The following CDH2 variants were observed in gnomAD, a reference collection of about 807,000 sequenced individuals.
CDH2 encodes cadherin-2.
In CDH2, 17 loss-of-function variants were observed where a neutral mutation model predicts 92.0. That is an observed-to-expected ratio of 0.18 (90% confidence interval 0.13 to 0.28). The LOEUF (loss-of-function observed/expected upper bound fraction) is 0.28, where lower values mean the gene tolerates loss of function less well. Ranked by LOEUF, CDH2 falls within the 10% of genes least tolerant of loss-of-function variation. CDH2 has a pLI of 1.00. For missense variants in CDH2, 862 were observed against 1,133.1 expected (o/e 0.76, Z 3.44); for synonymous variants, 419 against 415.9 (o/e 1.01, Z -0.09).
rs146692390 is a variant in CDH2 at position 28,080,612 on chromosome 18, A to G, written c.173-66703T>C. Among the ~76,000 whole-genome samples, 137 of 152,326 alleles carry G rather than the reference A, an allele frequency of 9.0e-4. 2 individuals carry two copies. Among genetic ancestry groups the G allele is most frequent in the African/African-American group, 3.1e-3 (130 of 41,578 alleles). On this transcript the variant is annotated intron_variant, in intron 2 of 15. Transcript: ENST00000269141. The stretch of plus-strand genomic sequence containing the variant: ...ATAAATCTTAACAGAGTTTAAATTT[A>G]TTTTGTTTGTATAATGCTTACAGCT...
At chr18:27,975,034 C>T (rs1291654537) in intron 14 of CDH2, among the ~76,000 whole-genome samples, 2 of 151,896 alleles carry the variant, frequency 1.3e-5, no homozygotes, top group African/African-American at 2.4e-5. Context: ...AGGTGTCAGT[C>T]AGTCTTTAAA....
chr18:28,102,299 G>A (rs967641591), intron 2 of CDH2, among the ~76,000 whole-genome samples: 1 of 152,074 alleles, frequency 6.6e-6, no homozygotes, highest in African/African-American at 2.4e-5. Flanking sequence ...GGAATTGATT[G>A]ACTACAAACT....
intron 2 of CDH2, among the ~76,000 whole-genome samples, chr18:28,137,721 T>C (rs1377590568): frequency 6.6e-6 from 1 of 152,140 alleles, no homozygotes. Context: ...GGACACTCCT[T>C]AACAACTATA....
At position 28,017,467 on chromosome 18, in the gene CDH2, T is replaced by G. The variant is rs562824637; in HGVS notation, c.173-3558A>C. On this transcript the variant is annotated intron_variant, in intron 2 of 15. Coordinates refer to ENST00000269141, the MANE Select transcript of CDH2 (RefSeq NM_001792.5). ...TGGTATTGGTTGTAGTATCTCCCGT[T>G]TCGTTTCTAATTGAGCTTATTTGGA... 2.0e-3 allele frequency among the ~76,000 whole-genome samples: 307 copies of G among 152,210 alleles called. 3 individuals carry two copies. The highest frequency in any genetic ancestry group is 7.9e-4 in the Non-Finnish European group (54 of 68,000).
intron 2 of CDH2, among the ~76,000 whole-genome samples, chr18:28,035,810 T>G (rs1296397894): frequency 1.3e-5 from 2 of 152,222 alleles, no homozygotes; most frequent in Non-Finnish European, 2.9e-5. Context: ...TATGTCTCAT[T>G]ACAAGGCAGG....
Position 27,951,314 on chromosome 18 carries a change from T to A in CDH2, c.*839A>T. 6.6e-6 allele frequency: 1 copy of A among 152,496 alleles called. No individual in the cohort carries two copies. The highest frequency in any genetic ancestry group is 6.6e-5 in the Admixed American group (1 of 15,252). 9.4% of individuals were successfully genotyped at this position (152,496 alleles called of 1,614,324 possible). On this transcript the variant is annotated 3_prime_UTR_variant, in exon 16 of 16. Coordinates refer to ENST00000269141, the MANE Select transcript of CDH2 (RefSeq NM_001792.5). Reference sequence around the variant, plus strand: ...GCTCAACAATTGAATCAAATGTCACTGTTTTGTAAATACTTTATCCATAAC... The same window carrying A: ...GCTCAACAATTGAATCAAATGTCACAGTTTTGTAAATACTTTATCCATAAC...
At position 28,141,441 on chromosome 18, in the gene CDH2, T is replaced by TTGCTCAACACTGTGAATGTAC. The variant is rs1300123603; in HGVS notation, c.172+6211_172+6231dup. Among the ~76,000 whole-genome samples the TTGCTCAACACTGTGAATGTAC allele has an allele frequency of 2.6e-5, 4 of 152,124 alleles. No individual in the cohort carries two copies. In the East Asian group the frequency reaches 7.7e-4, roughly 29 times the overall value. ...ATTTTAGAACTAGATAGAGGTATGG[T>TTGCTCAACACTGTGAATGTAC]TGCTCAACACTGTGAATGTACTAAG... On this transcript the variant is annotated intron_variant, in intron 2 of 15. Transcript: ENST00000269141.
intron 4 of CDH2, among the ~76,000 whole-genome samples, 180 bp from the exon 5 acceptor site, chr18:28,010,052 A>C: frequency 6.6e-6 from 1 of 152,218 alleles, no homozygotes; most frequent in Admixed American, 6.5e-5. Context: ...AGGCTTCAAA[A>C]GAGATGTCAT....
chr18:28,064,456 G>C (rs28365296), intron 2 of CDH2, among the ~76,000 whole-genome samples: 1 of 151,770 alleles, frequency 6.6e-6, no homozygotes, highest in East Asian at 1.9e-4. Flanking sequence ...CTGGCTTCCT[G>C]AACTTCATTT....
At chr18:28,133,013 C>T (rs1285980931) in intron 2 of CDH2, among the ~76,000 whole-genome samples, 8 of 152,186 alleles carry the variant, frequency 5.3e-5, no homozygotes, top group Non-Finnish European at 4.4e-5. Context: ...CACACACATT[C>T]TCCTTATCTA....
At chr18:27,946,093 G>A (rs1444718332), downstream of CDH2, among the ~76,000 whole-genome samples, 1 of 152,106 alleles carries the variant, frequency 6.6e-6, no homozygotes, top group African/African-American at 2.4e-5. Context: ...TACAATCCAA[G>A]TTTTAAGCAC....
At chr18:27,992,531 C>G in intron 9 of CDH2, 124 bp downstream of exon 9, 1 of 713,270 alleles carries the variant, frequency 1.4e-6, no homozygotes, top group Non-Finnish European at 2.3e-6. Flanking sequence ...TATATCAGAC[C>G]CACATCTGGA....
intron 2 of CDH2, among the ~76,000 whole-genome samples, chr18:28,077,802 A>T (rs760087430): frequency 6.8e-6 from 1 of 146,582 alleles, no homozygotes; most frequent in Non-Finnish European, 1.5e-5. Flanking sequence ...GAGGCAGGAG[A>T]ATTGCTTGAA....
At chr18:27,955,533 C>T (rs561670298) in intron 15 of CDH2, among the ~76,000 whole-genome samples, 3 of 151,600 alleles carry the variant, frequency 2.0e-5, no homozygotes, top group South Asian at 2.1e-4. Flanking sequence ...AGGGAATAAA[C>T]ACAAGAAGGG....
intron 2 of CDH2, among the ~76,000 whole-genome samples, chr18:28,073,788 C>T (rs191163718): frequency 6.6e-6 from 1 of 152,268 alleles, no homozygotes; most frequent in East Asian, 1.9e-4. Context: ...TGATATTCTA[C>T]TAGCCATGTG....
chr18:28,041,051 T>G (rs1267130350), intron 2 of CDH2, among the ~76,000 whole-genome samples: 2 of 152,180 alleles, frequency 1.3e-5, no homozygotes, highest in Non-Finnish European at 2.9e-5. Flanking sequence ...CCTGGTATGG[T>G]TCTTCAAAAA....
intron 1 of CDH2, among the ~76,000 whole-genome samples, chr18:28,148,606 C>A (rs2016074221): frequency 6.6e-6 from 1 of 152,152 alleles, no homozygotes; most frequent in Non-Finnish European, 1.5e-5. Context: ...TTGTAGGAAA[C>A]TCTACCATGT....
intron 1 of CDH2, among the ~76,000 whole-genome samples, chr18:28,165,313 G>C (rs2144360192): frequency 6.6e-6 from 1 of 152,210 alleles, no homozygotes; most frequent in South Asian, 2.1e-4. Flanking sequence ...CTCTGGAATA[G>C]CTGGGACTAT....
rs17494213 is a variant in CDH2 at position 28,063,474 on chromosome 18, T to C, written c.173-49565A>G. On this transcript the variant is annotated intron_variant, in intron 2 of 15. Transcript: ENST00000269141. Reference sequence around the variant, plus strand: ...CTTTCTCAGCTGGAGCAAAGAAAAATAGGGAATTCTGGCAGGTTATTTATA... The same window carrying C: ...CTTTCTCAGCTGGAGCAAAGAAAAACAGGGAATTCTGGCAGGTTATTTATA... Among the ~76,000 whole-genome samples, 35 of 152,204 alleles carry C rather than the reference T, an allele frequency of 2.3e-4. 1 individual carries two copies. The highest frequency in any genetic ancestry group is 7.7e-4 in the African/African-American group (32 of 41,540).
Sources: allele counts gnomAD v4.1 joint callset (sites outside exome capture counted in the v4.1 genomes callset), GRCh38; gene constraint gnomAD v4.1.1; transcripts MANE v1.5; gene names NCBI Gene and HGNC (gene_info 2026-07-23, HGNC 2026-07-21).